Variants in CCDC102B observed in about 807,000 individuals in gnomAD.
CCDC102B encodes coiled-coil domain-containing protein 102B.
A neutral mutation model predicts 57.4 loss-of-function variants in CCDC102B; 75 were observed. The ratio of observed to expected loss-of-function variants is 1.31; its 90% confidence interval spans 1.08 to 1.58. The LOEUF is 1.58. Ranked by LOEUF, CCDC102B falls within the 40% of genes most tolerant of loss-of-function variation. The probability of loss-of-function intolerance (pLI) is 0.00; values close to 1 mark genes in which losing one functional copy is unlikely to be tolerated. For synonymous variants in CCDC102B, 206 were observed against 201.9 expected (o/e 1.02, Z -0.17); for missense variants, 636 against 582.6 (o/e 1.09, Z -0.94).
At chr18:68,987,950 T>C (rs1031098719) in intron 6 of CCDC102B, among the ~76,000 whole-genome samples, 1 of 152,214 alleles carries the variant, frequency 6.6e-6, no homozygotes, top group Non-Finnish European at 1.5e-5. Context: ...TTGGCAGGAA[T>C]GTAAATTAGT....
chr18:68,898,743 A>G (rs1005724704), intron 6 of CCDC102B, among the ~76,000 whole-genome samples: 4 of 152,154 alleles, frequency 2.6e-5, no homozygotes, highest in Non-Finnish European at 4.4e-5. Context: ...CTTAGAGTCT[A>G]TATAGGGAGT....
At chr18:68,810,666 C>CTTT (rs2036210009) in intron 1 of CCDC102B, among the ~76,000 whole-genome samples, 1 of 49,372 alleles carries the variant, frequency 2.0e-5, no homozygotes, top group Admixed American at 2.1e-4. Flanking sequence ...GAAAAATTTT[C>CTTT]TTTTCTTTTC....
rs71368379 is a variant in CCDC102B, at chr18:69,031,188, T to C, written c.1434+20084T>C. Among the ~76,000 whole-genome samples, 321 of 152,316 alleles carry C rather than the reference T, an allele frequency of 2.1e-3. 1 individual carries two copies. The highest frequency in any genetic ancestry group is 3.7e-3 in the Non-Finnish European group (251 of 68,014). ...TTTTAGAATTGGAAGGATATTTATATTGTAGAAGAAATCATTTCATCGTGT... is the reference window on the plus strand; with the variant it reads ...TTTTAGAATTGGAAGGATATTTATACTGTAGAAGAAATCATTTCATCGTGT... On this transcript the variant is annotated intron_variant, in intron 7 of 7. Coordinates refer to ENST00000360242, the MANE Select transcript of CCDC102B (RefSeq NM_024781.3).
intron 4 of CCDC102B, among the ~76,000 whole-genome samples, chr18:68,856,871 A>G (rs2038410688): frequency 1.3e-5 from 2 of 149,846 alleles, no homozygotes; most frequent in African/African-American, 2.5e-5. Flanking sequence ...TGTGTTTTTT[A>G]TATATACACA....
intron 6 of CCDC102B, among the ~76,000 whole-genome samples, chr18:68,924,418 G>A (rs1448378710): frequency 3.3e-5 from 5 of 151,964 alleles, no homozygotes; most frequent in Admixed American, 1.3e-4. Flanking sequence ...TTGTGAAGAC[G>A]GTGTCTTGCT....
intron 2 of CCDC102B, among the ~76,000 whole-genome samples, chr18:68,784,923 C>A (rs1426950057): frequency 6.6e-6 from 1 of 151,812 alleles, no homozygotes; most frequent in Non-Finnish European, 1.5e-5. Flanking sequence ...GTGCGCTGCA[C>A]CCACCAACTC....
intron 2 of CCDC102B, among the ~76,000 whole-genome samples, chr18:68,773,768 A>G (rs1441887133): frequency 2.6e-5 from 4 of 152,030 alleles, no homozygotes; most frequent in South Asian, 2.1e-4. Context: ...AAATATAAAC[A>G]TGTTGACTTG....
chr18:68,786,366 A>T (rs1408507736), intron 2 of CCDC102B, among the ~76,000 whole-genome samples: 7 of 133,194 alleles, frequency 5.3e-5, no homozygotes, highest in African/African-American at 2.0e-4. Flanking sequence ...CTGTGAAGAA[A>T]GTCATTGGTA....
At chr18:68,800,850 A>G (rs930478896) in intron 1 of CCDC102B, among the ~76,000 whole-genome samples, 1 of 152,210 alleles carries the variant, frequency 6.6e-6, no homozygotes, top group Non-Finnish European at 1.5e-5. Flanking sequence ...TTCACAGTAA[A>G]AAAGAATAGA....
chr18:68,733,905 A>G (rs755419143), intron 2 of CCDC102B, among the ~76,000 whole-genome samples: 10 of 152,166 alleles, frequency 6.6e-5, no homozygotes, highest in Non-Finnish European at 1.3e-4. Flanking sequence ...GTTCAGCATC[A>G]AAGAGTAAGG....
intron 2 of CCDC102B, chr18:68,734,737 T>C (rs1599384845): frequency 6.6e-6 from 1 of 152,240 alleles, no homozygotes; most frequent in Non-Finnish European, 1.5e-5. Flanking sequence ...TTTCCAGAAC[T>C]TGGCAGGATG....
chr18:68,987,948 A>C (rs1001386082), intron 6 of CCDC102B, among the ~76,000 whole-genome samples: 19 of 152,220 alleles, frequency 1.2e-4, no homozygotes, highest in South Asian at 2.1e-4. Flanking sequence ...TGTTGGCAGG[A>C]ATGTAAATTA....
intron 6 of CCDC102B, among the ~76,000 whole-genome samples, chr18:68,981,475 G>A (rs1020945591): frequency 6.6e-6 from 1 of 151,966 alleles, no homozygotes; most frequent in Non-Finnish European, 1.5e-5. Context: ...GAACTCAGTC[G>A]TTAGGACTCA....
At chr18:68,763,138 A>T (rs1052414953) in intron 2 of CCDC102B, among the ~76,000 whole-genome samples, 1 of 152,072 alleles carries the variant, frequency 6.6e-6, no homozygotes, top group Admixed American at 6.6e-5. Flanking sequence ...TTATTTACTG[A>T]ACTCCTATGG....
At chr18:68,891,645 A>G (rs1055164471) in intron 5 of CCDC102B, among the ~76,000 whole-genome samples, 7 of 152,200 alleles carry the variant, frequency 4.6e-5, no homozygotes, top group Non-Finnish European at 8.8e-5. Context: ...TGGCAAGTTC[A>G]GTCTCTGGTG....
intron 6 of CCDC102B, among the ~76,000 whole-genome samples, chr18:68,960,177 C>T (rs76826219): frequency 0.012 from 1,817 of 152,312 alleles, 18 homozygotes; most frequent in Middle Eastern, 0.02. Flanking sequence ...GCTGATTATT[C>T]AGGGCTCAAT....
intron 6 of CCDC102B, among the ~76,000 whole-genome samples, chr18:69,007,318 C>T (rs1195889775): frequency 2.0e-5 from 3 of 152,022 alleles, no homozygotes; most frequent in Non-Finnish European, 2.9e-5. Flanking sequence ...CAAAAAATAC[C>T]AAGTGTCTGC....
chr18:68,787,311 C>T (rs1381275187), intron 2 of CCDC102B, among the ~76,000 whole-genome samples: 4 of 151,564 alleles, frequency 2.6e-5, no homozygotes, highest in African/African-American at 7.3e-5. Flanking sequence ...TGTCTCGGCC[C>T]GGCTTTGGTA....
chr18:69,046,704 T>C (rs182267957), intron 7 of CCDC102B, among the ~76,000 whole-genome samples: 37 of 152,298 alleles, frequency 2.4e-4, no homozygotes, highest in Non-Finnish European at 4.6e-4. Flanking sequence ...CTAGGTTATA[T>C]TCCAGGGCTT....
Sources: allele counts gnomAD v4.1 joint callset (sites outside exome capture counted in the v4.1 genomes callset), GRCh38; gene constraint gnomAD v4.1.1; transcripts MANE v1.5; gene names NCBI Gene and HGNC (gene_info 2026-07-23, HGNC 2026-07-21).